DLG2: variants seen among roughly 807,000 people sequenced by gnomAD.
The protein encoded by DLG2 is discs large MAGUK scaffold protein 2.
Under a neutral mutation model 132.5 loss-of-function variants are expected in DLG2, and 45 were observed. The observed-to-expected ratio is 0.34, with a 90% confidence interval of 0.27 to 0.44. The LOEUF (loss-of-function observed/expected upper bound fraction) is 0.44, where lower values mean the gene tolerates loss of function less well. DLG2 is among the 20% of genes least tolerant of loss of function. The probability of loss-of-function intolerance (pLI) is 1.00; values close to 1 mark genes in which losing one functional copy is unlikely to be tolerated. For synonymous variants in DLG2, 424 were observed against 419.6 expected, an observed-to-expected ratio of 1.01 and a Z score of -0.13; for missense variants, 1,045 against 1,196.9, an observed-to-expected ratio of 0.87 and a Z score of 1.87.
chr11:85,517,694 G>C (rs967457533), intron 3 of DLG2, among the ~76,000 whole-genome samples: 20 of 151,906 alleles, frequency 1.3e-4, no homozygotes, highest in South Asian at 6.2e-4. Flanking sequence ...GCTCACTGCA[G>C]TCTTGAATCT....
rs557378421 is a variant in DLG2 at position 84,840,878 on chromosome 11, T to C, written c.357+270783A>G. ...AGGGGGAGGGATAGCATTAGCAGAA[T>C]ACCTAGTGTAAATGACGAGTTAATG... On this transcript the variant is annotated intron_variant, in intron 6 of 27. Coordinates refer to ENST00000376104, the MANE Select transcript of DLG2 (RefSeq NM_001142699.3). Among the ~76,000 whole-genome samples the C allele has an allele frequency of 9.9e-5, 15 of 151,630 alleles. No homozygotes were observed. The South Asian group carries it at 2.7e-3, about 27-fold the overall frequency.
intron 6 of DLG2, among the ~76,000 whole-genome samples, chr11:85,064,979 G>A (rs2064690048): frequency 6.6e-6 from 1 of 151,328 alleles, no homozygotes; most frequent in Non-Finnish European, 1.5e-5. Flanking sequence ...TACCGATATA[G>A]GTACTTTACA....
At chr11:84,321,909 C>A (rs1246978322) in intron 7 of DLG2, among the ~76,000 whole-genome samples, 2 of 152,188 alleles carry the variant, frequency 1.3e-5, no homozygotes, top group Non-Finnish European at 2.9e-5. Flanking sequence ...TAGCTCATGT[C>A]ATCTTTCCAT....
At chr11:84,083,305 CA>C (rs1228442721) in intron 10 of DLG2, among the ~76,000 whole-genome samples, 2 of 152,114 alleles carry the variant, frequency 1.3e-5, no homozygotes, top group South Asian at 4.2e-4. Flanking sequence ...AAGAAAATAA[CA>C]GTCATCTAAT....
intron 9 of DLG2, among the ~76,000 whole-genome samples, chr11:84,122,777 T>A (rs2093988248): frequency 1.3e-5 from 2 of 152,206 alleles, no homozygotes; most frequent in African/African-American, 4.8e-5. Context: ...CCCTTGAAGG[T>A]TTTTTATAAT....
At chr11:85,219,526 G>C (rs1299566371) in intron 4 of DLG2, among the ~76,000 whole-genome samples, 2 of 151,776 alleles carry the variant, frequency 1.3e-5, no homozygotes, top group African/African-American at 2.4e-5. Flanking sequence ...TTCTCCCTGA[G>C]GGTTCTAGAG....
chr11:85,528,968 A>C (rs1479611562), intron 3 of DLG2, among the ~76,000 whole-genome samples: 1 of 152,236 alleles, frequency 6.6e-6, no homozygotes, highest in Non-Finnish European at 1.5e-5. Flanking sequence ...AAATTGTGGA[A>C]TATTCATAAC....
chr11:83,944,980 T>C (rs1190808181), intron 14 of DLG2, among the ~76,000 whole-genome samples: 1 of 152,126 alleles, frequency 6.6e-6, no homozygotes, highest in Non-Finnish European at 1.5e-5. Flanking sequence ...GATGGTGAAG[T>C]AGAGGAGGGA....
At chr11:84,831,774 T>C (rs1175294712) in intron 6 of DLG2, among the ~76,000 whole-genome samples, 1 of 151,638 alleles carries the variant, frequency 6.6e-6, no homozygotes, top group African/African-American at 2.4e-5. Flanking sequence ...ATTCAACTGT[T>C]TCCCCTCACA....
At chr11:85,512,158 G>C (rs1010262030) in intron 3 of DLG2, among the ~76,000 whole-genome samples, 1 of 151,994 alleles carries the variant, frequency 6.6e-6, no homozygotes, top group African/African-American at 2.4e-5. Context: ...ACAGGAGAAA[G>C]GGCATCAAAT....
In DLG2 at chr11:83,466,784, C is replaced by T; in HGVS notation, c.2653G>A (p.Ala885Thr). 1 of 1,613,532 alleles carries T rather than the reference C, an allele frequency of 6.2e-7. No individual in the cohort carries two copies. The highest frequency in any genetic ancestry group is 8.5e-7 in the Non-Finnish European group (1 of 1,179,548). Residue 885 changes from alanine to threonine, a missense_variant, in exon 26 of 28, where the codon GCT (alanine) becomes ACT (threonine). Coordinates refer to ENST00000376104, the MANE Select transcript of DLG2 (RefSeq NM_001142699.3). ...KHCILDVSGN[A>T]IKRLQVAQLY... Reference sequence around the variant, plus strand: ...TGGGCAACTTGTAACCGCTTGATAGCATTTCCTGATACATCAAGTATACAG... The same window carrying T: ...TGGGCAACTTGTAACCGCTTGATAGTATTTCCTGATACATCAAGTATACAG...
At chr11:84,605,772 C>T (rs975064588) in intron 6 of DLG2, among the ~76,000 whole-genome samples, 22 of 151,938 alleles carry the variant, frequency 1.4e-4, no homozygotes, top group African/African-American at 5.3e-4. Flanking sequence ...TTCTAGGCCT[C>T]TGGTCTGAAA....
At chr11:84,575,564 T>C (rs936457469) in intron 6 of DLG2, among the ~76,000 whole-genome samples, 1 of 152,218 alleles carries the variant, frequency 6.6e-6, no homozygotes, top group Non-Finnish European at 1.5e-5. Context: ...TGTGTGTACA[T>C]AGTATATATA....
chr11:83,820,138 T>C (rs1422714590), intron 17 of DLG2, among the ~76,000 whole-genome samples: 1 of 152,206 alleles, frequency 6.6e-6, no homozygotes, highest in Non-Finnish European at 1.5e-5. Flanking sequence ...CAAAATCTTT[T>C]ACTGCCATCT....
chr11:83,896,500 G>A (rs926346210), intron 15 of DLG2, among the ~76,000 whole-genome samples: 7 of 152,166 alleles, frequency 4.6e-5, no homozygotes, highest in African/African-American at 7.2e-5. Context: ...AGATGGACCA[G>A]CCATATTTTC....
chr11:85,331,334 C>A (rs541690641), intron 3 of DLG2, among the ~76,000 whole-genome samples: 1 of 152,294 alleles, frequency 6.6e-6, no homozygotes, highest in Non-Finnish European at 1.5e-5. Context: ...TAAATGTATA[C>A]AAATGCATAT....
At chr11:84,668,888 A>G (rs2099702690) in intron 6 of DLG2, among the ~76,000 whole-genome samples, 1 of 152,200 alleles carries the variant, frequency 6.6e-6, no homozygotes, top group Admixed American at 6.5e-5. Context: ...TCATTTATCC[A>G]AAAAATATTT....
chr11:83,885,113 T>G (rs978342962), intron 15 of DLG2, among the ~76,000 whole-genome samples: 2 of 152,128 alleles, frequency 1.3e-5, no homozygotes, highest in Non-Finnish European at 2.9e-5. Flanking sequence ...CTTTGACAAG[T>G]TGAGAGAAGA....
chr11:83,524,492 C>G (rs561846413), intron 21 of DLG2, among the ~76,000 whole-genome samples: 14 of 152,166 alleles, frequency 9.2e-5, no homozygotes, highest in African/African-American at 2.9e-4. Context: ...GGTCCTGGGT[C>G]AGGTCTTTTC....
Sources: allele counts gnomAD v4.1 joint callset (sites outside exome capture counted in the v4.1 genomes callset), GRCh38; gene constraint gnomAD v4.1.1; transcripts MANE v1.5; gene names NCBI Gene and HGNC (gene_info 2026-07-23, HGNC 2026-07-21).